Variants in PLCB1 observed in about 807,000 individuals in gnomAD.
PLCB1 encodes phospholipase C beta 1, also known as 1-phosphatidylinositol 4,5-bisphosphate phosphodiesterase beta-1.
A neutral mutation model predicts 161.8 loss-of-function variants in PLCB1; 46 were observed. The ratio of observed to expected loss-of-function variants is 0.28; its 90% confidence interval spans 0.22 to 0.36. The LOEUF (loss-of-function observed/expected upper bound fraction) is 0.36, where lower values mean the gene tolerates loss of function less well. PLCB1 is among the 10% of genes least tolerant of loss of function. The pLI is 1.00. For missense variants in PLCB1, 1,016 were observed against 1,472.5 expected, an observed-to-expected ratio of 0.69 and a Z score of 5.07; for synonymous variants, 517 against 503.7, an observed-to-expected ratio of 1.03 and a Z score of -0.35.
chr20:8,807,432 G>C (rs1984591579), intron 31 of PLCB1, among the ~76,000 whole-genome samples: 1 of 151,936 alleles, frequency 6.6e-6, no homozygotes, highest in South Asian at 2.1e-4. Context: ...TCTTGTCACG[G>C]AAAAAATGAA....
intron 3 of PLCB1, among the ~76,000 whole-genome samples, chr20:8,436,327 CAAA>C (rs11468737): frequency 1.1e-3 from 122 of 115,384 alleles, no homozygotes; most frequent in African/African-American, 1.6e-3. Context: ...GAGACCCTGT[CAAA>C]AAAAAAAAAA....
At chr20:8,382,974 A>AAATG (rs1411223389) in intron 3 of PLCB1, among the ~76,000 whole-genome samples, 1 of 152,222 alleles carries the variant, frequency 6.6e-6, no homozygotes, top group African/African-American at 2.4e-5. Flanking sequence ...ATTTTAGAGT[A>AAATG]AATGCCATGT....
intron 3 of PLCB1, among the ~76,000 whole-genome samples, chr20:8,454,619 G>T (rs768494610): frequency 6.6e-6 from 1 of 152,160 alleles, no homozygotes; most frequent in African/African-American, 2.4e-5. Flanking sequence ...ATCCGAGTGA[G>T]TGATGGTGTT....
chr20:8,702,695 A>T (rs1194365035), intron 11 of PLCB1, among the ~76,000 whole-genome samples: 1 of 152,206 alleles, frequency 6.6e-6, no homozygotes, highest in Non-Finnish European at 1.5e-5. Context: ...AAGTCTCTGA[A>T]AAACAATTTT....
intron 19 of PLCB1, among the ~76,000 whole-genome samples, chr20:8,736,690 G>T (rs997782080): frequency 6.6e-6 from 1 of 152,120 alleles, no homozygotes; most frequent in African/African-American, 2.4e-5. Flanking sequence ...GAGAGAGTGA[G>T]GGGGGAACTG....
chr20:8,334,726 C>T (rs1220311608), intron 2 of PLCB1, among the ~76,000 whole-genome samples: 1 of 152,216 alleles, frequency 6.6e-6, no homozygotes. Flanking sequence ...AGAAATGTTG[C>T]TATCCTGAAA....
chr20:8,616,024 AG>A (rs1316789808), intron 3 of PLCB1, among the ~76,000 whole-genome samples: 1 of 152,130 alleles, frequency 6.6e-6, no homozygotes, highest in Non-Finnish European at 1.5e-5. Context: ...TCAGAAACCG[AG>A]GGTTGTTACT....
intron 3 of PLCB1, among the ~76,000 whole-genome samples, chr20:8,442,062 A>G (rs1336524561): frequency 6.6e-6 from 1 of 152,216 alleles, no homozygotes; most frequent in Admixed American, 6.5e-5. Flanking sequence ...AATTGAATAT[A>G]TTCCATTTGT....
At chr20:8,414,696 T>G (rs1979194853) in intron 3 of PLCB1, among the ~76,000 whole-genome samples, 1 of 152,216 alleles carries the variant, frequency 6.6e-6, no homozygotes, top group Non-Finnish European at 1.5e-5. Flanking sequence ...GTATCTGTGT[T>G]GTCTGTATAG....
intron 2 of PLCB1, among the ~76,000 whole-genome samples, chr20:8,300,536 TG>T (rs990687840): frequency 4.8e-4 from 73 of 151,616 alleles, no homozygotes; most frequent in African/African-American, 1.4e-3. Context: ...TGTTTGGAAG[TG>T]GTTTTTTTTT....
At chr20:8,146,404 G>A (rs1025922815) in intron 1 of PLCB1, among the ~76,000 whole-genome samples, 1 of 152,194 alleles carries the variant, frequency 6.6e-6, no homozygotes, top group African/African-American at 2.4e-5. Context: ...TACCTCTTAA[G>A]TTATTGTAAG....
Position 8,795,058 on chromosome 20 carries a change from A to T in PLCB1, c.3423+4797A>T, listed in dbSNP as rs564838593. 5.9e-5 allele frequency among the ~76,000 whole-genome samples: 9 copies of T among 152,322 alleles called. No individual in the cohort carries two copies. In the South Asian group the frequency reaches 1.9e-3, roughly 32 times the overall value. ...AGGAGAATATGCCTCAATCAAAATC[A>T]GGCTAAAAATTTGTTTCAATTCTGC... is the stretch of plus-strand genomic sequence containing the variant. On this transcript the variant is annotated intron_variant, in intron 31 of 31. Coordinates refer to ENST00000338037, the MANE Select transcript of PLCB1 (RefSeq NM_015192.4).
Position 8,590,975 on chromosome 20 carries a change from C to G in PLCB1, c.247-37319C>G, listed in dbSNP as rs924000493. ...TATGTTTCCTAATGTTCTCCCTCCCCCTCCCCGACCTTCCAACAGGCCCCA... is the reference window on the plus strand; with the variant it reads ...TATGTTTCCTAATGTTCTCCCTCCCGCTCCCCGACCTTCCAACAGGCCCCA... On this transcript the variant is annotated intron_variant, in intron 3 of 31. Coordinates refer to ENST00000338037, the MANE Select transcript of PLCB1 (RefSeq NM_015192.4). Among the ~76,000 whole-genome samples, 8 of 152,106 alleles carry G rather than the reference C, an allele frequency of 5.3e-5. No individual in the cohort carries two copies. In the South Asian group the frequency reaches 6.2e-4, roughly 12 times the overall value.
At chr20:8,426,720 G>A (rs1392242442) in intron 3 of PLCB1, among the ~76,000 whole-genome samples, 1 of 152,154 alleles carries the variant, frequency 6.6e-6, no homozygotes, top group Non-Finnish European at 1.5e-5. Flanking sequence ...GTAACCATGT[G>A]AGATGATAGA....
At chr20:8,592,423 A>G (rs1987177890) in intron 3 of PLCB1, among the ~76,000 whole-genome samples, 1 of 152,340 alleles carries the variant, frequency 6.6e-6, no homozygotes, top group Admixed American at 6.5e-5. Context: ...ATAAGCAAAA[A>G]GTAATGCATG....
At chr20:8,360,664 C>A (rs2122298593) in intron 2 of PLCB1, among the ~76,000 whole-genome samples, 1 of 152,236 alleles carries the variant, frequency 6.6e-6, no homozygotes, top group Non-Finnish European at 1.5e-5. Context: ...CAGCTCCTAC[C>A]CCCACAAATT....
intron 3 of PLCB1, among the ~76,000 whole-genome samples, chr20:8,473,107 G>A (rs1461216228): frequency 6.6e-6 from 1 of 152,156 alleles, no homozygotes. Context: ...CTAGAAGTCA[G>A]TCATATCACC....
At chr20:8,247,243 C>T (rs562932149) in intron 2 of PLCB1, among the ~76,000 whole-genome samples, 1 of 152,026 alleles carries the variant, frequency 6.6e-6, no homozygotes, top group African/African-American at 2.4e-5. Flanking sequence ...GGTTCATCAC[C>T]TGAGATGCAT....
intron 3 of PLCB1, among the ~76,000 whole-genome samples, chr20:8,586,145 C>T (rs6055926): frequency 0.61 from 92,993 of 152,048 alleles, 30,454 homozygotes; most frequent in African/African-American, 0.86. Context: ...ATCTGACTTT[C>T]GGAAAAGCAA....
Sources: gnomAD v4.1 joint callset for allele counts (sites outside exome capture counted in the v4.1 genomes callset) on GRCh38, gnomAD v4.1.1 for gene constraint, MANE v1.5 for transcripts, NCBI Gene and HGNC (gene_info 2026-07-23, HGNC 2026-07-21) for gene names.